The following ATR variants were observed in gnomAD, a reference collection of about 807,000 sequenced individuals.
ATR encodes the protein serine/threonine-protein kinase ATR.
ATR carries 142 observed loss-of-function variants against 305.3 expected under a neutral mutation model. The ratio of observed to expected loss-of-function variants is 0.47; its 90% CI spans 0.41 to 0.53. The LOEUF is 0.53. ATR is among the 20% of genes least tolerant of loss of function. The pLI, the probability that ATR is intolerant of heterozygous loss-of-function variation, is 0.00. For synonymous variants in ATR, 1,050 were observed against 1,068.1 expected (o/e 0.98, Z 0.33); for missense variants, 2,135 against 3,133.1 (o/e 0.68, Z 7.60).
intron 23 of ATR, among the ~76,000 whole-genome samples, chr3:142,521,517 AC>A (rs2033146755): frequency 2.0e-5 from 3 of 152,174 alleles, no homozygotes; most frequent in African/African-American, 7.2e-5. Flanking sequence ...TAAACTGAAA[AC>A]CTTCTGGAAA....
intron 19 of ATR, 87 bp downstream of exon 19, chr3:142,538,393 GAC>G (rs1242572806): frequency 8.5e-5 from 119 of 1,403,344 alleles, no homozygotes; most frequent in African/African-American, 2.5e-4. Context: ...TCAAAAAAGT[GAC>G]AGTTTCCACA....
rs2108275743 is a variant in ATR at position 142,467,933 on chromosome 3, C to T, written c.6687+1G>A. 1 of 1,612,166 alleles carries T rather than the reference C, an allele frequency of 6.2e-7. No homozygotes were observed. The highest frequency in any genetic ancestry group is 8.5e-7 in the Non-Finnish European group (1 of 1,179,184). On this transcript the variant is annotated splice_donor_variant, in intron 39 of 46. Coordinates refer to ENST00000350721, the MANE Select transcript of ATR (RefSeq NM_001184.4). LOFTEE classifies it high-confidence loss of function. ...TATAAGCACTAAGATTATGATAGTACCGGTTTATTGCACAATTCTAGAAGC... is the reference window on the plus strand; with the variant it reads ...TATAAGCACTAAGATTATGATAGTATCGGTTTATTGCACAATTCTAGAAGC...
rs192399491 is a variant in ATR, at chr3:142,544,406, T to G, written c.3358-1649A>C. On this transcript the variant is annotated intron_variant, in intron 16 of 46. Coordinates refer to ENST00000350721, the MANE Select transcript of ATR (RefSeq NM_001184.4). ...GGCAGAGGTTGCAGTGGGCTGAGAT[T>G]GCACCACTGCAGTCCAGCCTGGGTG... Among the ~76,000 whole-genome samples the G allele has an allele frequency of 1.3e-4, 16 of 126,066 alleles. No homozygotes were observed. The East Asian group carries it at 3.6e-3, about 28-fold the overall frequency. 82.7% of individuals were successfully genotyped at this position (126,066 alleles called of 152,430 possible). A position where few individuals can be genotyped will look rare whatever the true frequency, so the allele number is the denominator to read the frequency against.
intron 34 of ATR, among the ~76,000 whole-genome samples, chr3:142,495,827 C>A (rs1257189326): frequency 1.3e-5 from 2 of 152,106 alleles, no homozygotes; most frequent in East Asian, 1.9e-4. Flanking sequence ...GTTTAAAAAA[C>A]CCCCTTCTTA....
chr3:142,518,119 A>C (rs1290492152), intron 24 of ATR, among the ~76,000 whole-genome samples: 1 of 152,242 alleles, frequency 6.6e-6, no homozygotes, highest in Non-Finnish European at 1.5e-5. Context: ...AAATTCTTTG[A>C]CATCTACAGG....
At chr3:142,548,618 G>A (rs1224665776) in intron 15 of ATR, among the ~76,000 whole-genome samples, 1 of 150,302 alleles carries the variant, frequency 6.7e-6, no homozygotes, top group African/African-American at 2.5e-5. Context: ...GCAGTGAGCC[G>A]AGATCGTGCC....
At chr3:142,535,272 T>C in intron 20 of ATR, 67 bp from the exon 21 acceptor site, 2 of 1,584,370 alleles carry the variant, frequency 1.3e-6, no homozygotes, top group Non-Finnish European at 1.7e-6. Flanking sequence ...TCCAAAGGCC[T>C]GAATTCTCTA....
intron 35 of ATR, among the ~76,000 whole-genome samples, chr3:142,486,959 C>CAAAAAAAAAAA (rs60024459): frequency 1.0e-3 from 71 of 69,588 alleles, no homozygotes; most frequent in African/African-American, 1.2e-3. Flanking sequence ...ACTAAAAATA[C>CAAAAAAAAAAA]AAAAAAAAAA....
chr3:142,451,786 G>A, intron 46 of ATR: 1 of 1,213,400 alleles, frequency 8.2e-7, no homozygotes, highest in Non-Finnish European at 1.0e-6. Context: ...ACCAGGGCTG[G>A]CTTTGTCCAG....
At chr3:142,452,666 T>A in intron 46 of ATR, 1 of 1,017,988 alleles carries the variant, frequency 9.8e-7, no homozygotes, top group Middle Eastern at 4.9e-4. Flanking sequence ...AGAGCGAGAC[T>A]CTGTCTCAAA....
At chr3:142,538,840 C>A (rs928794111) in intron 18 of ATR, among the ~76,000 whole-genome samples, 6 of 151,466 alleles carry the variant, frequency 4.0e-5, no homozygotes, top group African/African-American at 1.5e-4. Flanking sequence ...GTGTTTGGGG[C>A]AGAATTAATA....
intron 16 of ATR, among the ~76,000 whole-genome samples, chr3:142,543,384 C>T (rs1057299537): frequency 1.3e-5 from 2 of 150,596 alleles, no homozygotes; most frequent in African/African-American, 4.9e-5. Context: ...CTTTTCCTCC[C>T]TCCCTCCGTC....
rs374314951 is a variant in ATR at position 142,451,113 on chromosome 3, T to C, written c.7762-1511A>G. 15 of 1,265,500 alleles carry C rather than the reference T, an allele frequency of 1.2e-5. No homozygotes were observed. In the South Asian group the frequency reaches 1.9e-4, roughly 16 times the overall value. The allele number at this position is 1,265,500 out of a possible 1,614,324, so 78.4% of individuals were successfully genotyped here. ...TGGTCAATTGTGAAACAGCCCCTGC[T>C]GCTCAGGTGTAATTCCCTCCTAGAG... On this transcript the variant is annotated intron_variant, in intron 46 of 46. Coordinates refer to ENST00000350721, the MANE Select transcript of ATR (RefSeq NM_001184.4).
chr3:142,558,281 A>G (rs964647459), intron 8 of ATR, among the ~76,000 whole-genome samples: 2 of 152,068 alleles, frequency 1.3e-5, no homozygotes, highest in Non-Finnish European at 2.9e-5. Flanking sequence ...CTAGCACTTT[A>G]GAAGGCTGGG....
At chr3:142,465,420 G>A (rs1341060742) in intron 40 of ATR, 180 bp from the exon 41 acceptor site, 2 of 403,080 alleles carry the variant, frequency 5.0e-6, no homozygotes, top group Non-Finnish European at 8.6e-6. Context: ...AAGAATGACT[G>A]TCTATGAACA....
chr3:142,560,376 G>A lies in ATR; in HGVS notation c.1428C>T (p.Ser476=), dbSNP rs564649094. Residue 476 remains serine, a synonymous_variant, in exon 6 of 47, where the codon TCC becomes TCT. Coordinates refer to ENST00000350721, the MANE Select transcript of ATR (RefSeq NM_001184.4). ...GATTCTTTAGGCCACTGTATTCAAG[G>A]GAAATCTGAAGGGATTCAGCTTTCT... ...LKQKAESLQI[S]LEYSGLKNPV... 6.2e-7 allele frequency: 1 copy of A among 1,613,600 alleles called. No individual in the cohort carries two copies. Among genetic ancestry groups the A allele is most frequent in the African/African-American group, 1.3e-5 (1 of 74,858 alleles).
chr3:142,501,739 G>A (rs2031976161), intron 30 of ATR, among the ~76,000 whole-genome samples: 1 of 152,064 alleles, frequency 6.6e-6, no homozygotes, highest in South Asian at 2.1e-4. Context: ...TAATCAGAAT[G>A]GCTACTATTA....
chr3:142,556,232 C>T (rs1411135920), intron 9 of ATR, 93 bp from the exon 10 acceptor site: 1 of 1,527,846 alleles, frequency 6.5e-7, no homozygotes, highest in East Asian at 2.3e-5. Flanking sequence ...ACTGGTAAAA[C>T]AAAGCCTAGA....
At chr3:142,471,298 G>A (rs995873823) in intron 36 of ATR, among the ~76,000 whole-genome samples, 1 of 152,118 alleles carries the variant, frequency 6.6e-6, no homozygotes, top group Non-Finnish European at 1.5e-5. Flanking sequence ...CCTTTTTAAA[G>A]CAGAATAATA....
Sources: allele counts gnomAD v4.1 joint callset (sites outside exome capture counted in the v4.1 genomes callset), GRCh38; gene constraint gnomAD v4.1.1; transcripts MANE v1.5; gene names NCBI Gene and HGNC (gene_info 2026-07-23, HGNC 2026-07-21).